C8orf89: variants seen among roughly 807,000 people sequenced by gnomAD.
C8orf89 encodes putative uncharacterized protein C8orf89.
A neutral mutation model predicts 15.8 loss-of-function variants in C8orf89; 14 were observed. The ratio of observed to expected loss-of-function variants is 0.89; its 90% CI spans 0.59 to 1.39. C8orf89 has a LOEUF of 1.39. Among genes scored for constraint, C8orf89 ranks in the 40% most tolerant of loss-of-function variants. The pLI, the probability that C8orf89 is intolerant of heterozygous loss-of-function variation, is 0.00. For missense variants in C8orf89, 181 were observed against 184.5 expected, an observed-to-expected ratio of 0.98 and a Z score of 0.11; for synonymous variants, 55 against 62.2, an observed-to-expected ratio of 0.88 and a Z score of 0.54.
chr8:73,280,622 C>T, the C8orf89 span, among the ~76,000 whole-genome samples: 29,834 of 151,916 alleles, frequency 0.2, 2,992 homozygotes, highest in Middle Eastern at 0.23. Flanking sequence ...AATCCACCCA[C>T]CTCGTCCTCC....
intron 3 of C8orf89, among the ~76,000 whole-genome samples, chr8:73,246,516 T>C (rs1440654556): frequency 6.6e-6 from 1 of 152,192 alleles, no homozygotes; most frequent in Non-Finnish European, 1.5e-5. Context: ...GTAGCTGAGA[T>C]TACAGGCGCA....
chr8:73,250,852 A>G (rs1327124537), intron 2 of C8orf89, among the ~76,000 whole-genome samples: 1 of 152,094 alleles, frequency 6.6e-6, no homozygotes, highest in Non-Finnish European at 1.5e-5. Flanking sequence ...CCCAGGCTGG[A>G]GTGGCACAAT....
chr8:73,265,084 A>G, the C8orf89 span, among the ~76,000 whole-genome samples: 1 of 133,486 alleles, frequency 7.5e-6, no homozygotes, highest in Non-Finnish European at 1.6e-5. Context: ...TTCTTGAGGA[A>G]AAAAAAAAGA....
the C8orf89 span, chr8:73,277,741 A>G: frequency 2.7e-6 from 2 of 745,892 alleles, no homozygotes; most frequent in Non-Finnish European, 5.1e-6. Context: ...CAGCTCGTCC[A>G]CATGGGTTTT....
chr8:73,279,302 G>C, the C8orf89 span, among the ~76,000 whole-genome samples: 1 of 152,162 alleles, frequency 6.6e-6, no homozygotes, highest in Non-Finnish European at 1.5e-5. Context: ...TATGCAGAGA[G>C]GTTTTTCATT....
chr8:73,285,870 C>T, the C8orf89 span, among the ~76,000 whole-genome samples: 2 of 152,188 alleles, frequency 1.3e-5, no homozygotes, highest in South Asian at 2.1e-4. Context: ...GAGCATGCCC[C>T]GCAGCCAGCA....
rs1262294650 is a variant in C8orf89, at chr8:73,250,341, T to A, written c.282-18A>T. The A allele has an allele frequency of 7.6e-6, 11 of 1,441,842 alleles. No homozygotes were observed. Among genetic ancestry groups the A allele is most frequent in the Non-Finnish European group, 1.0e-5 (11 of 1,065,160 alleles). 89.3% of individuals were successfully genotyped at this position (1,441,842 alleles called of 1,614,324 possible). ...TCTTTAGCCTGAATATTATATATTA[T>A]CATAAAATTACTTACATATAAATTC... On this transcript the variant is annotated intron_variant, in intron 2 of 3. Transcript: ENST00000624510.
intron 1 of C8orf89, among the ~76,000 whole-genome samples, chr8:73,258,260 A>G (rs1412470776): frequency 5.9e-5 from 9 of 152,036 alleles, no homozygotes; most frequent in Non-Finnish European, 2.9e-5. Context: ...AAATAACAAA[A>G]ATCTGCTGCG....
At chr8:73,266,636 AAAGATTT>A in the C8orf89 span, among the ~76,000 whole-genome samples, 1 of 152,208 alleles carries the variant, frequency 6.6e-6, no homozygotes, top group South Asian at 2.1e-4. Context: ...AGAAAAACAT[AAAGATTT>A]AAGATCAATA....
chr8:73,283,480 CTCTCA>C, the C8orf89 span, among the ~76,000 whole-genome samples: 1 of 152,172 alleles, frequency 6.6e-6, no homozygotes, highest in Admixed American at 6.5e-5. Flanking sequence ...CTGCCTCTGA[CTCTCA>C]TAAGGTGAGG....
upstream of C8orf89, among the ~76,000 whole-genome samples, chr8:73,260,400 G>A (rs1251846835): frequency 6.6e-6 from 1 of 151,978 alleles, no homozygotes; most frequent in African/African-American, 2.4e-5. Context: ...GGTGGGGGAG[G>A]GGGCAGGGAT....
chr8:73,250,472 T>C, intron 2 of C8orf89, 149 bp from the exon 3 acceptor site: 1 of 571,710 alleles, frequency 1.7e-6, no homozygotes, highest in South Asian at 2.6e-5. Context: ...GAAGCAGATA[T>C]GAGCCAGCCC....
intron 1 of C8orf89, among the ~76,000 whole-genome samples, chr8:73,259,033 G>A (rs1293577894): frequency 1.3e-4 from 20 of 151,950 alleles, no homozygotes; most frequent in East Asian, 3.9e-4. Flanking sequence ...TTTATAAAAC[G>A]GAGTGTGATT....
intron 2 of C8orf89, 51 bp downstream of exon 2, chr8:73,256,922 A>G: frequency 7.2e-7 from 1 of 1,388,876 alleles, no homozygotes; most frequent in South Asian, 1.6e-5. Context: ...ATTCAGCAGT[A>G]TTACTACAAA....
chr8:73,242,499 G>A (rs760903836), intron 3 of C8orf89, among the ~76,000 whole-genome samples: 7 of 152,028 alleles, frequency 4.6e-5, no homozygotes, highest in African/African-American at 1.7e-4. Flanking sequence ...TGGGCCAAAA[G>A]ACCTGAATAG....
At chr8:73,271,536 T>C in the C8orf89 span, among the ~76,000 whole-genome samples, 1 of 152,198 alleles carries the variant, frequency 6.6e-6, no homozygotes, top group Non-Finnish European at 1.5e-5. Context: ...ACAAAAGCCC[T>C]TGCCAGAAGC....
At chr8:73,281,280 A>C in the C8orf89 span, among the ~76,000 whole-genome samples, 2 of 152,200 alleles carry the variant, frequency 1.3e-5, no homozygotes, top group African/African-American at 4.8e-5. Context: ...ATAATCATTG[A>C]TACATGAATA....
chr8:73,278,768 T>A, the C8orf89 span, among the ~76,000 whole-genome samples: 5 of 152,208 alleles, frequency 3.3e-5, no homozygotes, highest in South Asian at 4.1e-4. Context: ...ATTAAAAAAA[T>A]TTTTAAACCC....
chr8:73,274,352 C>T, the C8orf89 span, among the ~76,000 whole-genome samples: 2 of 152,042 alleles, frequency 1.3e-5, no homozygotes, highest in Admixed American at 6.6e-5. Context: ...GGGGTTTCAC[C>T]GTGTTAGCCA....
Sources: allele counts gnomAD v4.1 joint callset (sites outside exome capture counted in the v4.1 genomes callset), GRCh38; gene constraint gnomAD v4.1.1; transcripts MANE v1.5; gene names NCBI Gene and HGNC (gene_info 2026-07-23, HGNC 2026-07-21).